Variants in KPNA1 observed in about 807,000 individuals in gnomAD.
The protein encoded by KPNA1 is karyopherin subunit alpha 1.
KPNA1 carries 10 observed loss-of-function variants against 70.5 expected under a neutral mutation model. That is an observed-to-expected ratio of 0.14 (90% CI 0.09 to 0.24). The LOEUF (loss-of-function observed/expected upper bound fraction) is 0.24, where lower values mean the gene tolerates loss of function less well. Among genes scored for constraint, KPNA1 ranks in the 10% least tolerant of loss-of-function variants. KPNA1 has a pLI of 1.00. For missense variants in KPNA1, 397 were observed against 637.9 expected (o/e 0.62, Z 4.07); for synonymous variants, 192 against 221.9 (o/e 0.87, Z 1.20).
chr3:122,460,478 A>T (rs2076311591), intron 5 of KPNA1: 1 of 243,424 alleles, frequency 4.1e-6, no homozygotes, highest in African/African-American at 2.3e-5. Context: ...CTCTACTAAA[A>T]ATAAAAGAAT....
At chr3:122,497,853 T>C (rs1239702532) in intron 1 of KPNA1, among the ~76,000 whole-genome samples, 1 of 152,238 alleles carries the variant, frequency 6.6e-6, no homozygotes, top group African/African-American at 2.4e-5. Flanking sequence ...ATATAATCTA[T>C]AGACTGTCTT....
At chr3:122,473,048 T>G (rs888557840) in intron 2 of KPNA1, among the ~76,000 whole-genome samples, 4 of 151,992 alleles carry the variant, frequency 2.6e-5, no homozygotes, top group Non-Finnish European at 4.4e-5. Context: ...ACCACTACAC[T>G]TCAGCCTAGG....
At chr3:122,472,274 A>T (rs2076451180) in intron 2 of KPNA1, among the ~76,000 whole-genome samples, 1 of 152,202 alleles carries the variant, frequency 6.6e-6, no homozygotes, top group African/African-American at 2.4e-5. Flanking sequence ...CAAATCAATA[A>T]CAGAAATATA....
At chr3:122,500,501 T>C (rs1198159126) in intron 1 of KPNA1, among the ~76,000 whole-genome samples, 1 of 149,758 alleles carries the variant, frequency 6.7e-6, no homozygotes, top group African/African-American at 2.5e-5. Context: ...CATTTCTAAT[T>C]TTTTTTTTCC....
At chr3:122,476,876 A>AAAAAAAAAAAAAAAAAC (rs2076505255) in intron 2 of KPNA1, among the ~76,000 whole-genome samples, 2 of 150,456 alleles carry the variant, frequency 1.3e-5, no homozygotes, top group East Asian at 1.9e-4. Flanking sequence ...AAAAAAAAAA[A>AAAAAAAAAAAAAAAAAC]AAAAAAAACT....
chr3:122,465,175 C>T (rs2076366612), intron 3 of KPNA1, among the ~76,000 whole-genome samples: 1 of 152,188 alleles, frequency 6.6e-6, no homozygotes, highest in South Asian at 2.1e-4. Flanking sequence ...GAGTGAACAT[C>T]ACCCAAAGAT....
At chr3:122,512,054 G>A (rs981449381) in intron 1 of KPNA1, among the ~76,000 whole-genome samples, 5 of 152,236 alleles carry the variant, frequency 3.3e-5, no homozygotes, top group African/African-American at 9.6e-5. Flanking sequence ...AGAAACAACT[G>A]ACAGCAATTC....
intron 2 of KPNA1, among the ~76,000 whole-genome samples, chr3:122,484,856 T>C (rs963986589): frequency 2.0e-5 from 3 of 152,160 alleles, no homozygotes; most frequent in Admixed American, 6.5e-5. Context: ...TAGCTGATTC[T>C]AAAGTTCATA....
Position 122,464,256 on chromosome 3 carries a change from A to G in KPNA1, c.238-215T>C, listed in dbSNP as rs2076356912. 1.6e-5 allele frequency: 6 copies of G among 376,884 alleles called. No homozygotes were observed. The East Asian group carries it at 2.3e-4, about 15-fold the overall frequency. The allele number at this position is 376,884 out of a possible 1,614,324, so 23.3% of individuals were successfully genotyped here. ...CTATCATTAAAAAGCTCACAGTAGA[A>G]AGTGATCTTACTAGTAAATAAGACA... is the stretch of plus-strand genomic sequence containing the variant. On this transcript the variant is annotated intron_variant, in intron 3 of 13. Transcript: ENST00000344337.
At chr3:122,489,292 TTTG>T (rs1277986300) in intron 2 of KPNA1, among the ~76,000 whole-genome samples, 22 of 151,210 alleles carry the variant, frequency 1.5e-4, no homozygotes, top group East Asian at 4.0e-4. Flanking sequence ...TTTGTTTTTT[TTTG>T]TTTGTTTTTT....
At chr3:122,490,903 T>C (rs2076691078) in intron 2 of KPNA1, among the ~76,000 whole-genome samples, 1 of 152,182 alleles carries the variant, frequency 6.6e-6, no homozygotes, top group African/African-American at 2.4e-5. Context: ...TTAATATAAA[T>C]ATGAATTTCC....
chr3:122,497,659 CCT>C (rs2076779792), intron 1 of KPNA1, among the ~76,000 whole-genome samples: 4 of 152,096 alleles, frequency 2.6e-5, no homozygotes, highest in Non-Finnish European at 4.4e-5. Flanking sequence ...TTTGCAATCC[CCT>C]GATGACTAAT....
At position 122,426,866 on chromosome 3, in the gene KPNA1, GC is replaced by G; in HGVS notation, c.*118del. Reference sequence around the variant, plus strand: ...GCAGGTGCGCAAGGCAAGCAAATGAGCGCAAACAGTATTATGGAAAACATTT... The same window carrying G: ...GCAGGTGCGCAAGGCAAGCAAATGAGGCAAACAGTATTATGGAAAACATTT... On this transcript the variant is annotated 3_prime_UTR_variant, in exon 14 of 14. Coordinates refer to ENST00000344337, the MANE Select transcript of KPNA1 (RefSeq NM_002264.4). 1.3e-6 allele frequency: 1 copy of G among 758,870 alleles called. No homozygotes were observed. The highest frequency in any genetic ancestry group is 2.1e-6 in the Non-Finnish European group (1 of 473,772). The allele number at this position is 758,870 out of a possible 1,614,324, so 47.0% of individuals were successfully genotyped here. A position where few individuals can be genotyped will look rare whatever the true frequency, so the allele number is the denominator to read the frequency against.
chr3:122,479,489 G>C (rs182009933), intron 2 of KPNA1, among the ~76,000 whole-genome samples: 337 of 152,316 alleles, frequency 2.2e-3, no homozygotes, highest in African/African-American at 7.4e-3. Context: ...GCCAGGCACA[G>C]TGGCTCATGC....
chr3:122,494,339 CT>C (rs35538557), intron 2 of KPNA1, among the ~76,000 whole-genome samples: 1 of 152,134 alleles, frequency 6.6e-6, no homozygotes, highest in African/African-American at 2.4e-5. Context: ...CAGTTTCATT[CT>C]TTTGCACACA....
At chr3:122,466,040 T>TA (rs1286819093) in intron 3 of KPNA1, among the ~76,000 whole-genome samples, 1 of 152,136 alleles carries the variant, frequency 6.6e-6, no homozygotes, top group Non-Finnish European at 1.5e-5. Context: ...ACTCTCTTCT[T>TA]AAAAAAATTG....
intron 1 of KPNA1, among the ~76,000 whole-genome samples, chr3:122,497,359 C>T (rs537813122): frequency 6.6e-6 from 1 of 152,316 alleles, no homozygotes; most frequent in African/African-American, 2.4e-5. Context: ...AATGTTTCCA[C>T]CTTTCAGCTA....
intron 11 of KPNA1, among the ~76,000 whole-genome samples, chr3:122,434,529 C>T (rs2075959213): frequency 1.3e-5 from 2 of 152,312 alleles, no homozygotes; most frequent in South Asian, 4.1e-4. Context: ...AACACATCAT[C>T]TGCCCGCTAT....
At chr3:122,436,208 C>T (rs1407254327) in intron 11 of KPNA1, among the ~76,000 whole-genome samples, 1 of 152,136 alleles carries the variant, frequency 6.6e-6, no homozygotes, top group Non-Finnish European at 1.5e-5. Context: ...AAATTCCCGC[C>T]TAGTAAATTT....
Sources: allele counts gnomAD v4.1 joint callset (sites outside exome capture counted in the v4.1 genomes callset), GRCh38; gene constraint gnomAD v4.1.1; transcripts MANE v1.5; gene names NCBI Gene and HGNC (gene_info 2026-07-23, HGNC 2026-07-21).